The following PLB1 variants were observed in gnomAD, a reference collection of about 807,000 sequenced individuals.
The protein encoded by PLB1 is phospholipase B1, membrane-associated.
A neutral mutation model predicts 227.4 loss-of-function variants in PLB1; 242 were observed. That is an observed-to-expected ratio of 1.06 (90% CI 0.96 to 1.18). PLB1 has a LOEUF of 1.18. Among genes scored for constraint, PLB1 ranks in the 50% most tolerant of loss-of-function variants. PLB1 has a pLI of 0.00. For missense variants in PLB1, 1,858 were observed against 1,816.3 expected (o/e 1.02, Z -0.42); for synonymous variants, 757 against 682.2 (o/e 1.11, Z -1.71).
rs771545561 is a variant in PLB1, at chr2:28,628,525, C to A, written c.3661-38C>A. ...GCTCTTGCCATTCTCTCAGAGCGGGCACCAGGGGCTAAAGAGAGTACCCTT... is the reference window on the plus strand; with the variant it reads ...GCTCTTGCCATTCTCTCAGAGCGGGAACCAGGGGCTAAAGAGAGTACCCTT... On this transcript the variant is annotated intron_variant, in intron 51 of 57. Transcript: ENST00000327757. 49 of 1,591,166 alleles carry A rather than the reference C, an allele frequency of 3.1e-5. No homozygotes were observed. In the East Asian group the frequency reaches 1.1e-3, roughly 35 times the overall value.
Position 28,598,750 on chromosome 2 carries a change from G to A in PLB1, c.2464G>A (p.Ala822Thr). The stretch of plus-strand genomic sequence containing the variant: ...ATTCCTCAATCAAGCTGTTCCCGGA[G>A]CAAAGGCTGAGTATGGCATTTGGGG... ...NAFLNQAVPG[A>T]KAEDLMSQVQ... is the part of the protein sequence containing the mutation. The change falls in exon 35 of 58, where the codon GCA becomes ACA. Residue 822 changes from alanine (A) to threonine (T), a missense_variant. Coordinates refer to ENST00000327757, the MANE Select transcript of PLB1 (RefSeq NM_153021.5). 1 of 1,613,608 alleles carries A rather than the reference G, an allele frequency of 6.2e-7. No homozygotes were observed. The highest frequency in any genetic ancestry group is 8.5e-7 in the Non-Finnish European group (1 of 1,179,466).
chr2:28,550,095 G>A lies in PLB1; in HGVS notation c.1083+11G>A. On this transcript the variant is annotated intron_variant, in intron 16 of 57. Transcript: ENST00000327757. Reference sequence around the variant, plus strand: ...CAAGACAAGCTTGAGGTAAGGAAAGGTTTTCTGTAATTGACAAACATGCAG... The same window carrying A: ...CAAGACAAGCTTGAGGTAAGGAAAGATTTTCTGTAATTGACAAACATGCAG... 1.2e-6 allele frequency: 2 copies of A among 1,600,626 alleles called. No individual in the cohort carries two copies. Among genetic ancestry groups the A allele is most frequent in the Non-Finnish European group, 1.7e-6 (2 of 1,169,676 alleles).
At chr2:28,519,620 G>C in intron 3 of PLB1, 85 bp from the exon 4 acceptor site, 1 of 1,011,030 alleles carries the variant, frequency 9.9e-7, no homozygotes, top group Non-Finnish European at 1.5e-6. Flanking sequence ...TGGGGAATGT[G>C]AGTCTCCTCT....
At chr2:28,565,771 C>T (rs1164225688) in intron 19 of PLB1, among the ~76,000 whole-genome samples, 2 of 152,186 alleles carry the variant, frequency 1.3e-5, no homozygotes, top group Non-Finnish European at 2.9e-5. Context: ...CTTCTCTCCT[C>T]ATCTCTGATG....
rs1684122542 is a variant in PLB1 at position 28,602,855 on chromosome 2, T to A, written c.2708T>A (p.Leu903Gln). 1 of 1,614,180 alleles carries A rather than the reference T, an allele frequency of 6.2e-7. No homozygotes were observed. The highest frequency in any genetic ancestry group is 1.1e-5 in the South Asian group (1 of 91,090). Reference sequence around the variant, plus strand: ...GTCCTGGTCAACCTCGTGGACTTCCTGAACCCCACTATCATGCGGCAGGTG... The same window carrying A: ...GTCCTGGTCAACCTCGTGGACTTCCAGAACCCCACTATCATGCGGCAGGTG... ...PRVLVNLVDFLNPTIMRQVFL... is the reference protein window; with the variant it reads ...PRVLVNLVDFQNPTIMRQVFL... Residue 903 changes from leucine to glutamine, a missense_variant, in exon 39 of 58, where the codon CTG becomes CAG. By Grantham distance (113) the Leu-to-Gln change is moderately radical. Transcript: ENST00000327757.
At chr2:28,570,009 A>G (rs1440611266) in intron 20 of PLB1, among the ~76,000 whole-genome samples, 2 of 151,812 alleles carry the variant, frequency 1.3e-5, no homozygotes, top group Non-Finnish European at 2.9e-5. Flanking sequence ...GAATAGATTT[A>G]TAACAAGCAA....
At position 28,626,425 on chromosome 2, in the gene PLB1, C is replaced by G; in HGVS notation, c.3580-3C>G. The G allele has an allele frequency of 2.5e-6, 4 of 1,613,570 alleles. No homozygotes were observed. The highest frequency in any genetic ancestry group is 3.4e-6 in the Non-Finnish European group (4 of 1,179,442). On this transcript the variant is annotated splice_polypyrimidine_tract_variant and splice_region_variant and intron_variant, in intron 50 of 57. Transcript: ENST00000327757. ...CTAAACTCAGGATCTTCTGTCCCCT[C>G]AGGACATCAACCTGGAGAAAGACTG...
intron 20 of PLB1, among the ~76,000 whole-genome samples, chr2:28,571,926 A>G (rs1371499844): frequency 2.0e-5 from 3 of 152,240 alleles, no homozygotes; most frequent in African/African-American, 7.2e-5. Flanking sequence ...AAAGAAAAAA[A>G]AATCGATATT....
At chr2:28,518,866 G>T (rs980741579) in intron 3 of PLB1, among the ~76,000 whole-genome samples, 3 of 152,122 alleles carry the variant, frequency 2.0e-5, no homozygotes, top group Non-Finnish European at 4.4e-5. Flanking sequence ...CAATGGGCTG[G>T]GTTTGTCTAA....
intron 56 of PLB1, among the ~76,000 whole-genome samples, chr2:28,634,286 A>G (rs923918309): frequency 5.3e-5 from 8 of 152,332 alleles, no homozygotes; most frequent in East Asian, 3.9e-4. Context: ...ATCAGTTTAT[A>G]TGGTATAATT....
chr2:28,607,247 C>A (rs949044335), intron 43 of PLB1, among the ~76,000 whole-genome samples: 2 of 152,142 alleles, frequency 1.3e-5, no homozygotes, highest in African/African-American at 4.8e-5. Flanking sequence ...GGCCAGAAAA[C>A]CCTCAGCAGC....
chr2:28,566,602 T>C, intron 19 of PLB1, 194 bp from the exon 20 acceptor site: 1 of 550,286 alleles, frequency 1.8e-6, no homozygotes, highest in Non-Finnish European at 3.3e-6. Flanking sequence ...TTTGTTTGGA[T>C]GTGCTGGCCT....
rs373385510 is a variant in PLB1, at chr2:28,643,009, G to A, written c.4325G>A (p.Arg1442Lys). 9.9e-6 allele frequency: 16 copies of A among 1,610,916 alleles called. No homozygotes were observed. Among genetic ancestry groups the A allele is most frequent in the Non-Finnish European group, 3.4e-6 (4 of 1,178,854 alleles). Residue 1442 changes from arginine to lysine, a missense_variant, in exon 58 of 58, where the codon AGA becomes AAA. Coordinates refer to ENST00000327757, the MANE Select transcript of PLB1 (RefSeq NM_153021.5). The stretch of plus-strand genomic sequence containing the variant: ...GGGACAGTGGTCTGGAGGTGCAGGA[G>A]AGGTGGCCGGAGGGAAGATCCTCCA... The part of the protein sequence containing the change: ...IIGTVVWRCR[R>K]GGRREDPPMS...
chr2:28,525,577 A>G (rs1670128827), intron 5 of PLB1, among the ~76,000 whole-genome samples: 1 of 152,036 alleles, frequency 6.6e-6, no homozygotes, highest in African/African-American at 2.4e-5. Context: ...TTCTCCCCAC[A>G]AGCTCTACTT....
chr2:28,552,865 T>G, intron 16 of PLB1, 63 bp from the exon 17 acceptor site: 1 of 1,408,504 alleles, frequency 7.1e-7, no homozygotes, highest in Middle Eastern at 1.8e-4. Flanking sequence ...GAGGCCCCAC[T>G]TCTCACCCAT....
intron 53 of PLB1, among the ~76,000 whole-genome samples, chr2:28,629,865 G>C (rs6547864): frequency 0.57 from 86,585 of 152,062 alleles, 25,094 homozygotes; most frequent in Middle Eastern, 0.66. Flanking sequence ...TCTGAGGGCA[G>C]AGGGCCTCCC....
intron 5 of PLB1, 120 bp downstream of exon 5, chr2:28,525,427 AC>A: frequency 9.1e-7 from 1 of 1,101,912 alleles, no homozygotes; most frequent in Non-Finnish European, 1.3e-6. Context: ...GCTCAAGGCT[AC>A]CCTCTGAGAA....
chr2:28,502,369 G>A (rs1430673017), intron 1 of PLB1, among the ~76,000 whole-genome samples: 1 of 152,014 alleles, frequency 6.6e-6, no homozygotes, highest in Non-Finnish European at 1.5e-5. Flanking sequence ...ATATGTGTGT[G>A]TTCATATTAA....
chr2:28,529,864 C>G, intron 8 of PLB1, 85 bp downstream of exon 8: 1 of 1,291,396 alleles, frequency 7.7e-7, no homozygotes, highest in Non-Finnish European at 1.1e-6. Flanking sequence ...GACCCTCGTA[C>G]CATTTTACCA....
Sources: gnomAD v4.1 joint callset for allele counts (sites outside exome capture counted in the v4.1 genomes callset) on GRCh38, gnomAD v4.1.1 for gene constraint, MANE v1.5 for transcripts, NCBI Gene and HGNC (gene_info 2026-07-23, HGNC 2026-07-21) for gene names.